KCTD19: variants seen among roughly 807,000 people sequenced by gnomAD.
The protein encoded by KCTD19 is BTB/POZ domain-containing protein KCTD19.
KCTD19 carries 67 observed loss-of-function variants against 103.5 expected under a neutral mutation model. The observed-to-expected ratio is 0.65, with a 90% CI of 0.53 to 0.79. The LOEUF (loss-of-function observed/expected upper bound fraction) is 0.79, where lower values mean the gene tolerates loss of function less well. KCTD19 is among the 30% of genes least tolerant of loss of function. KCTD19 has a pLI of 0.00. For synonymous variants in KCTD19, 439 were observed against 452.2 expected, an observed-to-expected ratio of 0.97 and a Z score of 0.37; for missense variants, 980 against 1,136.1, an observed-to-expected ratio of 0.86 and a Z score of 1.98.
chr16:67,301,701 C>A, intron 5 of KCTD19, 90 bp downstream of exon 5: 1 of 1,265,284 alleles, frequency 7.9e-7, no homozygotes, highest in Non-Finnish European at 1.1e-6. Context: ...CCCCAAAGCC[C>A]GAAGTGATTG....
At chr16:67,324,781 G>A (rs1356622083) in intron 1 of KCTD19, among the ~76,000 whole-genome samples, 2 of 152,160 alleles carry the variant, frequency 1.3e-5, no homozygotes, top group African/African-American at 2.4e-5. Context: ...ACATAAAGAA[G>A]AGCAATTATA....
intron 1 of KCTD19, among the ~76,000 whole-genome samples, chr16:67,324,751 T>TCTCCC (rs2037111400): frequency 6.6e-6 from 1 of 152,068 alleles, no homozygotes; most frequent in Non-Finnish European, 1.5e-5. Flanking sequence ...GGGGTCCATC[T>TCTCCC]CTCCCACAGC....
At chr16:67,314,874 G>GAGAGAGAGAGAGA (rs1491336436) in intron 2 of KCTD19, among the ~76,000 whole-genome samples, 19 of 119,304 alleles carry the variant, frequency 1.6e-4, no homozygotes, top group African/African-American at 7.4e-4. Context: ...GAGAGAGAGA[G>GAGAGAGAGAGAGA]GGGAAGGGTC....
intron 2 of KCTD19, among the ~76,000 whole-genome samples, chr16:67,318,557 CAAA>C (rs764640736): frequency 6.7e-5 from 4 of 59,500 alleles, no homozygotes; most frequent in Admixed American, 1.9e-4. Context: ...GACTCTATCT[CAAA>C]AAAAAAAAAA....
At chr16:67,291,035 C>T (rs1372436238) in intron 14 of KCTD19, 49 bp from the exon 15 acceptor site, 3 of 1,579,712 alleles carry the variant, frequency 1.9e-6, no homozygotes, top group African/African-American at 1.4e-5. Context: ...CTCCTAGCCC[C>T]TCAGAGTGAG....
In KCTD19 at chr16:67,291,295, C is replaced by A. The variant is rs766059021; in HGVS notation, c.2565+14G>T. ...GTACAGGGTGCCCCAGGGCCTGAGG[C>A]CTGTCACACATACCCACAGCCGATT... On this transcript the variant is annotated intron_variant, in intron 14 of 15. Coordinates refer to ENST00000304372, the MANE Select transcript of KCTD19 (RefSeq NM_001100915.3). 4 of 1,610,494 alleles carry A rather than the reference C, an allele frequency of 2.5e-6. No homozygotes were observed. The highest frequency in any genetic ancestry group is 3.4e-6 in the Non-Finnish European group (4 of 1,178,760).
In KCTD19 at chr16:67,303,093, G is replaced by A; in HGVS notation, c.643+53C>T. On this transcript the variant is annotated intron_variant, in intron 4 of 15. Transcript: ENST00000304372. The surrounding 1 kb of genome is among the most constrained non-coding windows in gnomAD (Gnocchi z 4.3). ...TCTGTGGGACATGTGATGGGGAGGG[G>A]TGAATGGGCCCTATCAGCCCGCCCC... is the stretch of plus-strand genomic sequence containing the variant. 1 of 1,467,588 alleles carries A rather than the reference G, an allele frequency of 6.8e-7. No individual in the cohort carries two copies. The highest frequency in any genetic ancestry group is 9.5e-7 in the Non-Finnish European group (1 of 1,052,640). 90.9% of individuals were successfully genotyped at this position (1,467,588 alleles called of 1,614,324 possible).
chr16:67,295,408 G>A lies in KCTD19; in HGVS notation c.1249-3C>T, dbSNP rs1567447937. 4 of 1,609,752 alleles carry A rather than the reference G, an allele frequency of 2.5e-6. No individual in the cohort carries two copies. The Admixed American group carries it at 5.0e-5, about 20-fold the overall frequency. ...GGGTTGGACAGCAGTTCTGGATACTGGAGGGGGTTGGACACCGGACTCAGT... is the reference window on the plus strand; with the variant it reads ...GGGTTGGACAGCAGTTCTGGATACTAGAGGGGGTTGGACACCGGACTCAGT... On this transcript the variant is annotated splice_region_variant and splice_polypyrimidine_tract_variant and intron_variant, in intron 8 of 15. Transcript: ENST00000304372.
intron 2 of KCTD19, among the ~76,000 whole-genome samples, chr16:67,317,692 T>G (rs1312471325): frequency 6.6e-6 from 1 of 152,172 alleles, no homozygotes; most frequent in Non-Finnish European, 1.5e-5. Flanking sequence ...TAAATTGATG[T>G]CATCTGTTTC....
intron 6 of KCTD19, among the ~76,000 whole-genome samples, chr16:67,298,355 T>C (rs919439329): frequency 9.9e-5 from 15 of 152,096 alleles, no homozygotes; most frequent in African/African-American, 3.4e-4. Flanking sequence ...GGACAACCGG[T>C]CACATTTTTG....
At position 67,297,557 on chromosome 16, in the gene KCTD19, C is replaced by T. The variant is rs370450605; in HGVS notation, c.1093G>A (p.Val365Ile). ...GGCTCCAGATGAGTCTTCAAAGCAA[C>T]TTTGATTGGCTCGTAGGTGATGTCC... is the stretch of plus-strand genomic sequence containing the variant. ...KRDITYEPIKVALKTHLEPRT... is the reference protein window; with the variant it reads ...KRDITYEPIKIALKTHLEPRT... Residue 365 changes from valine to isoleucine, a missense_variant, in exon 7 of 16, where the codon GTT (valine) becomes ATT (isoleucine). Physicochemically the swap from Val to Ile is conservative, Grantham distance 29 (BLOSUM62 3). Transcript: ENST00000304372. 5.0e-6 allele frequency: 8 copies of T among 1,614,150 alleles called. No individual in the cohort carries two copies. In the African/African-American group the frequency reaches 5.3e-5, roughly 11 times the overall value.
chr16:67,317,568 G>T (rs1567454510), intron 2 of KCTD19, among the ~76,000 whole-genome samples: 1 of 151,842 alleles, frequency 6.6e-6, no homozygotes, highest in Non-Finnish European at 1.5e-5. Context: ...ACGGTACAAA[G>T]AATGTAAAAT....
At chr16:67,294,508 A>AC (rs1020487346) in intron 11 of KCTD19, 72 bp downstream of exon 11, 1 of 1,041,220 alleles carries the variant, frequency 9.6e-7, no homozygotes, top group African/African-American at 1.6e-5. Flanking sequence ...AGCTGAACCT[A>AC]CCCCCATCCA....
chr16:67,308,410 C>T (rs936676155), intron 2 of KCTD19, among the ~76,000 whole-genome samples: 8 of 152,048 alleles, frequency 5.3e-5, no homozygotes, highest in African/African-American at 1.9e-4. Context: ...AATGATCCTC[C>T]CACCTCGGCC....
At position 67,309,608 on chromosome 16, in the gene KCTD19, C is replaced by T. The variant is rs556175884; in HGVS notation, c.301-5037G>A. Among the ~76,000 whole-genome samples, 3 of 152,338 alleles carry T rather than the reference C, an allele frequency of 2.0e-5. No homozygotes were observed. In the South Asian group the frequency reaches 6.2e-4, roughly 32 times the overall value. On this transcript the variant is annotated intron_variant, in intron 2 of 15. Coordinates refer to ENST00000304372, the MANE Select transcript of KCTD19 (RefSeq NM_001100915.3). ...GCATCACAGGAGCTTGAATCTGCCA[C>T]TTACTTCACCTACAGATTCAACCCC...
chr16:67,318,625 C>A (rs1204604707), intron 2 of KCTD19, among the ~76,000 whole-genome samples: 1 of 149,400 alleles, frequency 6.7e-6, no homozygotes, highest in Admixed American at 6.7e-5. Flanking sequence ...GAAGTGAGGA[C>A]AGCAAAGGGT....
At chr16:67,314,824 TATATATAGAGAG>T (rs1314991702) in intron 2 of KCTD19, among the ~76,000 whole-genome samples, 114 of 61,126 alleles carry the variant, frequency 1.9e-3, no homozygotes, top group East Asian at 2.7e-3. Flanking sequence ...TATATATATA[TATATATAGAGAG>T]AGAGAGAGAG....
intron 1 of KCTD19, among the ~76,000 whole-genome samples, chr16:67,321,107 C>CT (rs1429188498): frequency 6.6e-6 from 1 of 152,098 alleles, no homozygotes; most frequent in Non-Finnish European, 1.5e-5. Flanking sequence ...GGGAAGGTGG[C>CT]TTGAGACCAG....
chr16:67,314,818 TATATATATATATAGAGAGAG>T (rs1415532058), intron 2 of KCTD19, among the ~76,000 whole-genome samples: 15 of 99,172 alleles, frequency 1.5e-4, no homozygotes, highest in Admixed American at 4.0e-4. Context: ...TATATATATA[TATATATATATATAGAGAGAG>T]AGAGAGAGAG....
Sources: gnomAD v4.1 joint callset for allele counts (sites outside exome capture counted in the v4.1 genomes callset) on GRCh38, gnomAD v4.1.1 for gene constraint, Gnocchi (gnomAD v3.1) non-coding constraint, MANE v1.5 for transcripts, NCBI Gene and HGNC (gene_info 2026-07-23, HGNC 2026-07-21) for gene names.